Variants in PARD3 observed in about 807,000 individuals in gnomAD.
PARD3 encodes par-3 family cell polarity regulator.
PARD3 carries 75 observed loss-of-function variants against 155.4 expected under a neutral mutation model. That is an observed-to-expected ratio of 0.48 (90% confidence interval 0.40 to 0.58). The LOEUF (loss-of-function observed/expected upper bound fraction) is 0.58. PARD3 is among the 20% of genes least tolerant of loss of function. The pLI is 0.00. For missense variants in PARD3, 1,642 were observed against 1,721.7 expected, an observed-to-expected ratio of 0.95 and a Z score of 0.82; for synonymous variants, 576 against 610.5, an observed-to-expected ratio of 0.94 and a Z score of 0.83.
intron 20 of PARD3, among the ~76,000 whole-genome samples, chr10:34,313,187 A>C (rs1957798796): frequency 1.3e-5 from 2 of 152,302 alleles, no homozygotes; most frequent in Admixed American, 6.5e-5. Context: ...CGAGTGTCTG[A>C]GAATCAAACA....
rs185444792 is a variant in PARD3 at position 34,261,487 on chromosome 10, G to A, written c.3419+8170C>T. 4.1e-3 allele frequency among the ~76,000 whole-genome samples: 622 copies of A among 152,114 alleles called. 1 individual carries two copies. Among genetic ancestry groups the A allele is most frequent in the Non-Finnish European group, 7.4e-3 (502 of 68,004 alleles). ...GTGGATCACTTGAGGCCAGGAGTTC[G>A]AGACCAGCCTGGCCAACATGGTGAA... On this transcript the variant is annotated intron_variant, in intron 22 of 24. Coordinates refer to ENST00000374788, the MANE Select transcript of PARD3 (RefSeq NM_001184785.2).
chr10:34,578,117 C>G (rs77406829), intron 2 of PARD3, among the ~76,000 whole-genome samples: 2,815 of 151,900 alleles, frequency 0.019, 98 homozygotes, highest in African/African-American at 0.065. Context: ...TCAAGCAATC[C>G]TGCTGCTTCA....
intron 2 of PARD3, among the ~76,000 whole-genome samples, chr10:34,630,190 C>T (rs930522111): frequency 3.3e-5 from 5 of 152,226 alleles, no homozygotes; most frequent in South Asian, 4.1e-4. Flanking sequence ...CCTGCACTTA[C>T]TCGGCATGGA....
intron 1 of PARD3, among the ~76,000 whole-genome samples, chr10:34,798,594 G>A (rs533094009): frequency 5.5e-4 from 83 of 151,126 alleles, no homozygotes; most frequent in African/African-American, 1.9e-3. Flanking sequence ...AACCCGAGCC[G>A]CTCAGGAAGC....
chr10:34,194,584 ACTATGAATACCCTGG>A (rs1417287735), intron 22 of PARD3, among the ~76,000 whole-genome samples: 6 of 150,286 alleles, frequency 4.0e-5, no homozygotes, highest in Non-Finnish European at 7.4e-5. Flanking sequence ...TCAAGACATC[ACTATGAATACCCTGG>A]AATATGCCAA....
At chr10:34,167,270 G>A (rs895202026) in intron 22 of PARD3, among the ~76,000 whole-genome samples, 1 of 152,114 alleles carries the variant, frequency 6.6e-6, no homozygotes, top group Non-Finnish European at 1.5e-5. Context: ...AAATTACACA[G>A]AACACCTCAG....
chr10:34,635,320 G>T (rs182829801), intron 2 of PARD3, among the ~76,000 whole-genome samples: 2 of 152,360 alleles, frequency 1.3e-5, no homozygotes, highest in East Asian at 3.9e-4. Flanking sequence ...AAGTCAGCTT[G>T]TGGTTACCTG....
chr10:34,375,190 A>G (rs1284969787), intron 10 of PARD3, among the ~76,000 whole-genome samples, 188 bp from the exon 11 acceptor site: 3 of 152,152 alleles, frequency 2.0e-5, no homozygotes, highest in Non-Finnish European at 4.4e-5. Context: ...ACTAATAAAG[A>G]AACTAAGACC....
At chr10:34,505,108 C>A (rs1171307013) in intron 3 of PARD3, among the ~76,000 whole-genome samples, 2 of 152,182 alleles carry the variant, frequency 1.3e-5, no homozygotes, top group East Asian at 3.8e-4. Flanking sequence ...CACTTTCAGG[C>A]AATTATTTTC....
chr10:34,363,527 T>C (rs1372483017), intron 12 of PARD3, among the ~76,000 whole-genome samples: 1 of 152,234 alleles, frequency 6.6e-6, no homozygotes, highest in African/African-American at 2.4e-5. Context: ...AAAAATGTTT[T>C]TTAAAAATTG....
chr10:34,205,873 C>T (rs1951451481), intron 22 of PARD3, among the ~76,000 whole-genome samples: 1 of 152,136 alleles, frequency 6.6e-6, no homozygotes, highest in South Asian at 2.1e-4. Context: ...GGATACAGTC[C>T]CCCCATCCCC....
intron 2 of PARD3, among the ~76,000 whole-genome samples, chr10:34,586,703 T>A (rs1411964518): frequency 6.6e-6 from 1 of 152,086 alleles, no homozygotes; most frequent in Non-Finnish European, 1.5e-5. Flanking sequence ...TCCCAACACT[T>A]TGGGAGGCCG....
At chr10:34,155,877 C>T (rs1042092313) in intron 22 of PARD3, among the ~76,000 whole-genome samples, 3 of 152,106 alleles carry the variant, frequency 2.0e-5, no homozygotes, top group Admixed American at 6.5e-5. Context: ...AGATGCAACA[C>T]GGTCCACTCA....
intron 1 of PARD3, among the ~76,000 whole-genome samples, chr10:34,765,516 A>G (rs375060434): frequency 6.6e-6 from 1 of 152,048 alleles, no homozygotes; most frequent in Non-Finnish European, 1.5e-5. Context: ...CGTCTCTACT[A>G]AAAATACAAA....
Position 34,111,099 on chromosome 10 carries a change from T to C in PARD3, c.*70A>G. The C allele has an allele frequency of 6.7e-7, 1 of 1,489,972 alleles. No individual in the cohort carries two copies. 92.3% of individuals were successfully genotyped at this position (1,489,972 alleles called of 1,614,324 possible). A position where few individuals can be genotyped will look rare whatever the true frequency, so the allele number is the denominator to read the frequency against. On this transcript the variant is annotated 3_prime_UTR_variant, in exon 25 of 25. Transcript: ENST00000374788. Reference sequence around the variant, plus strand: ...AGTACCATCGAGGTTTTAAAAAAACTCCCAAAATACAAGTCTTCATAGGAA... The same window carrying C: ...AGTACCATCGAGGTTTTAAAAAAACCCCCAAAATACAAGTCTTCATAGGAA...
At chr10:34,752,950 TTC>T (rs1564581368) in intron 1 of PARD3, among the ~76,000 whole-genome samples, 1 of 132,770 alleles carries the variant, frequency 7.5e-6, no homozygotes, top group Admixed American at 7.5e-5. Context: ...TGAGTGGAAA[TTC>T]TCTTTTTCTA....
At chr10:34,252,436 C>A (rs750508584) in intron 22 of PARD3, among the ~76,000 whole-genome samples, 1 of 152,166 alleles carries the variant, frequency 6.6e-6, no homozygotes, top group Non-Finnish European at 1.5e-5. Flanking sequence ...GGAAGCCACA[C>A]AGGCAAACTT....
intron 22 of PARD3, among the ~76,000 whole-genome samples, chr10:34,136,941 T>C (rs1947931292): frequency 6.6e-6 from 1 of 152,180 alleles, no homozygotes; most frequent in East Asian, 1.9e-4. Flanking sequence ...ATTCAACATG[T>C]ACATATCTTG....
intron 3 of PARD3, among the ~76,000 whole-genome samples, chr10:34,494,454 G>A (rs976119492): frequency 3.3e-5 from 5 of 152,216 alleles, no homozygotes; most frequent in African/African-American, 1.2e-4. Context: ...AAGCATGGAG[G>A]TAGAAGGAAG....
Sources: gnomAD v4.1 joint callset for allele counts (sites outside exome capture counted in the v4.1 genomes callset) on GRCh38, gnomAD v4.1.1 for gene constraint, MANE v1.5 for transcripts, NCBI Gene and HGNC (gene_info 2026-07-23, HGNC 2026-07-21) for gene names.